Variants in DENND4A observed in about 807,000 individuals in gnomAD.
DENND4A encodes the protein C-myc promoter-binding protein.
DENND4A carries 70 observed loss-of-function variants against 199.3 expected under a neutral mutation model. The observed-to-expected ratio is 0.35, with a 90% confidence interval of 0.29 to 0.43. The LOEUF is 0.43. Among genes scored for constraint, DENND4A ranks in the 20% least tolerant of loss-of-function variants. The probability of loss-of-function intolerance (pLI) is 1.00; values close to 1 mark genes in which losing one functional copy is unlikely to be tolerated. For synonymous variants in DENND4A, 686 were observed against 766.9 expected (o/e 0.89, Z 1.74); for missense variants, 1,723 against 2,255.8 (o/e 0.76, Z 4.78).
rs8033091 is a variant in DENND4A at position 65,664,060 on chromosome 15, A to G, written c.5587+270T>C. On this transcript the variant is annotated intron_variant, in intron 32 of 32. Transcript: ENST00000443035. ...ACAATTCACTAACTTAAAGTGTACA[A>G]TTTAGTGTTTTTTTGGTATATTCAC... Among the ~76,000 whole-genome samples the G allele has an allele frequency of 6.4e-3, 974 of 152,270 alleles. 10 individuals carry two copies. Among genetic ancestry groups the G allele is most frequent in the African/African-American group, 0.023 (935 of 41,548 alleles).
intron 1 of DENND4A, among the ~76,000 whole-genome samples, chr15:65,769,198 TACACACACACACACAC>T (rs3082834): frequency 1.4e-5 from 2 of 146,380 alleles, no homozygotes; most frequent in Admixed American, 6.9e-5. Context: ...ATATAAGGTA[TACACACACACACACAC>T]ACACACACAC....
At chr15:65,709,802 G>A (rs544740359) in intron 14 of DENND4A, among the ~76,000 whole-genome samples, 1 of 141,556 alleles carries the variant, frequency 7.1e-6, no homozygotes, top group East Asian at 2.2e-4. Flanking sequence ...GCAAATACAA[G>A]TAATTATGTT....
At chr15:65,733,205 G>GA (rs1177434055) in intron 7 of DENND4A, among the ~76,000 whole-genome samples, 2 of 152,034 alleles carry the variant, frequency 1.3e-5, no homozygotes, top group Admixed American at 1.3e-4. Flanking sequence ...AGGTGCTCCA[G>GA]AAAAAATGAA....
In DENND4A at chr15:65,702,919, G is replaced by A. The variant is rs2142205369; in HGVS notation, c.2177C>T (p.Ser726Leu). 1 of 1,613,250 alleles carries A rather than the reference G, an allele frequency of 6.2e-7. No individual in the cohort carries two copies. Among genetic ancestry groups the A allele is most frequent in the Admixed American group, 1.7e-5 (1 of 60,014 alleles). Residue 726 changes from serine (S) to leucine (L), a missense_variant, in exon 16 of 33, where the codon TCA becomes TTA. Physicochemically the swap from Ser to Leu is moderately radical, Grantham distance 145 (BLOSUM62 -2). Around this residue, in one of 6 missense-constraint regions of DENND4A, gnomAD observed 725 missense variants for 952.9 expected, o/e 0.76. Transcript: ENST00000443035. ...QAKKNKLPSK[S>L]SSPNSPLPMF... ...GGGCAAAGGGCTATTAGGACTACTT[G>A]ATTTTGAAGGCAATTTGTTCTTCTT...
At chr15:65,694,376 G>T (rs911794415) in intron 22 of DENND4A, among the ~76,000 whole-genome samples, 2 of 151,864 alleles carry the variant, frequency 1.3e-5, no homozygotes, top group African/African-American at 4.8e-5. Context: ...TTGAACCCAG[G>T]AAGCAGAGGT....
rs544960502 is a variant in DENND4A, at chr15:65,747,225, C to T, written c.561+5154G>A. ...CAAGCTACCTGGACTAAATATTCTT[C>T]TTCACAAATTTTTGCAATTTTAGAT... On this transcript the variant is annotated intron_variant, in intron 4 of 32. Transcript: ENST00000443035. 3.3e-5 allele frequency among the ~76,000 whole-genome samples: 5 copies of T among 152,206 alleles called. No homozygotes were observed. In the East Asian group the frequency reaches 7.7e-4, roughly 23 times the overall value.
In DENND4A at chr15:65,756,550, A is replaced by G. The variant is rs985283784; in HGVS notation, c.-22-78T>C. 12 of 977,552 alleles carry G rather than the reference A, an allele frequency of 1.2e-5. No homozygotes were observed. The South Asian group carries it at 2.0e-4, about 16-fold the overall frequency. 60.6% of individuals were successfully genotyped at this position (977,552 alleles called of 1,614,324 possible). ...AAGTGGTTTGTGTGCAAATAAGAAC[A>G]AAAAACTACAAAAAGAGCACTAGTT... On this transcript the variant is annotated intron_variant, in intron 2 of 32. Transcript: ENST00000443035.
chr15:65,776,302 T>A lies in DENND4A; in HGVS notation c.-101-14864A>T, dbSNP rs1210396978. Among the ~76,000 whole-genome samples, 30 of 152,212 alleles carry A rather than the reference T, an allele frequency of 2.0e-4. 1 individual carries two copies. The highest frequency in any genetic ancestry group is 4.4e-5 in the Non-Finnish European group (3 of 68,026). On this transcript the variant is annotated intron_variant, in intron 1 of 32. Transcript: ENST00000443035. ...ATATTAAAGAAGGTATATATCATCA[T>A]ACACATATGCTCATAAAATAATGAC...
Position 65,706,329 on chromosome 15 carries a change from C to T in DENND4A, c.1954-105G>A, listed in dbSNP as rs1447530412. 5 of 1,128,742 alleles carry T rather than the reference C, an allele frequency of 4.4e-6. No individual in the cohort carries two copies. The East Asian group carries it at 1.5e-4, about 34-fold the overall frequency. The allele number at this position is 1,128,742 out of a possible 1,614,324, so 69.9% of individuals were successfully genotyped here. A position where few individuals can be genotyped will look rare whatever the true frequency, so the allele number is the denominator to read the frequency against. On this transcript the variant is annotated intron_variant, in intron 14 of 32. Transcript: ENST00000443035. Reference sequence around the variant, plus strand: ...AACCATCTGCACAATGGATACTAAACAGCTATTAAAAAAGAAGAGTGAGCA... The same window carrying T: ...AACCATCTGCACAATGGATACTAAATAGCTATTAAAAAAGAAGAGTGAGCA...
chr15:65,748,907 C>T (rs1413580234), intron 4 of DENND4A, among the ~76,000 whole-genome samples: 1 of 150,728 alleles, frequency 6.6e-6, no homozygotes, highest in African/African-American at 2.4e-5. Context: ...GTGGGAGGAT[C>T]ACTTGAGCCC....
chr15:65,763,589 T>C (rs1049718096), intron 1 of DENND4A, among the ~76,000 whole-genome samples: 8 of 150,290 alleles, frequency 5.3e-5, no homozygotes, highest in African/African-American at 1.7e-4. Context: ...GATGGGAGGA[T>C]TGCTTGAGCC....
chr15:65,726,377 G>A (rs546603991), intron 11 of DENND4A, among the ~76,000 whole-genome samples: 13 of 152,192 alleles, frequency 8.5e-5, no homozygotes, highest in Middle Eastern at 3.4e-3. Context: ...ATTACATCAC[G>A]TAACATTAAC....
intron 20 of DENND4A, among the ~76,000 whole-genome samples, chr15:65,698,163 G>A (rs1462731291): frequency 1.3e-5 from 2 of 152,092 alleles, no homozygotes; most frequent in East Asian, 3.8e-4. Flanking sequence ...AGGCTTCTTG[G>A]GAGGCTGAGG....
intron 7 of DENND4A, among the ~76,000 whole-genome samples, chr15:65,733,953 G>C (rs1030833953): frequency 6.6e-6 from 1 of 152,208 alleles, no homozygotes; most frequent in Non-Finnish European, 1.5e-5. Flanking sequence ...ACTGCGGAAG[G>C]CCGCAGGGAC....
chr15:65,752,646 AAAAT>A lies in DENND4A; in HGVS notation c.312-22_312-19del, dbSNP rs747478881. 1.4e-6 allele frequency: 2 copies of A among 1,413,940 alleles called. No homozygotes were observed. Among genetic ancestry groups the A allele is most frequent in the African/African-American group, 2.9e-5 (2 of 68,814 alleles). The allele number at this position is 1,413,940 out of a possible 1,614,324, so 87.6% of individuals were successfully genotyped here. A position where few individuals can be genotyped will look rare whatever the true frequency, so the allele number is the denominator to read the frequency against. ...ATAAAACCCTAAAAATAAATTTTTA[AAAAT>A]AAATACACAAAGCACTTTAAATATG... On this transcript the variant is annotated intron_variant, in intron 3 of 32. Transcript: ENST00000443035.
chr15:65,696,404 C>G lies in DENND4A; in HGVS notation c.3044G>C (p.Ser1015Thr), dbSNP rs1307649476. The G allele has an allele frequency of 7.4e-6, 12 of 1,612,650 alleles. No individual in the cohort carries two copies. The highest frequency in any genetic ancestry group is 1.0e-5 in the Non-Finnish European group (12 of 1,178,990). The change falls in exon 22 of 33, where the codon AGT (serine) becomes ACT (threonine). Residue 1015 changes from serine to threonine, a missense_variant. Ser to Thr is a moderately conservative substitution (Grantham distance 58). Transcript: ENST00000443035. ...SSSIVRLTGT[S>T]NNSAGKISGE... ...TGATATTTTACCAGCACTGTTGTTACTTGTACCAGTGAGGCGAACGATACT... is the reference window on the plus strand; with the variant it reads ...TGATATTTTACCAGCACTGTTGTTAGTTGTACCAGTGAGGCGAACGATACT...
chr15:65,666,778 CAA>C (rs36113125), intron 29 of DENND4A, among the ~76,000 whole-genome samples: 32,368 of 91,362 alleles, frequency 0.35, 4,378 homozygotes, highest in East Asian at 0.73. Context: ...GACCTTGTGT[CAA>C]AAAAAAAAAA....
Position 65,690,752 on chromosome 15 carries a change from T to G in DENND4A, c.3842A>C (p.Asn1281Thr). The change falls in exon 23 of 33, where the codon AAT becomes ACT. Residue 1281 changes from asparagine (N) to threonine (T), a missense_variant. Asn to Thr is a moderately conservative substitution (Grantham distance 65). This residue lies in a region of DENND4A where 650 missense variants were observed against 738.1 expected (regional missense o/e 0.88). Transcript: ENST00000443035. ...DLQRACDDKL[N>T]KKSPPLVKAC... ...CTTGACCAATGGTGGACTTTTCTTA[T>G]TTAATTTATCATCACATGCCCGTTG... is the stretch of plus-strand genomic sequence containing the variant. The G allele has an allele frequency of 6.2e-7, 1 of 1,613,632 alleles. No individual in the cohort carries two copies. Among genetic ancestry groups the G allele is most frequent in the Non-Finnish European group, 8.5e-7 (1 of 1,179,776 alleles).
chr15:65,763,304 C>T (rs1357535490), intron 1 of DENND4A, among the ~76,000 whole-genome samples: 1 of 152,150 alleles, frequency 6.6e-6, no homozygotes, highest in East Asian at 1.9e-4. Flanking sequence ...TACACCCAGA[C>T]ACAAGATTCA....
Sources: allele counts gnomAD v4.1 joint callset (sites outside exome capture counted in the v4.1 genomes callset), GRCh38; gene constraint gnomAD v4.1.1; regional missense constraint gnomAD v4.1.1; transcripts MANE v1.5; gene names NCBI Gene and HGNC (gene_info 2026-07-23, HGNC 2026-07-21).